Variants in SNX29 observed in about 807,000 individuals in gnomAD.
SNX29 encodes sorting nexin 29, also known as sorting nexin-29.
In SNX29, 78 loss-of-function variants were observed where a neutral mutation model predicts 102.1. That is an observed-to-expected ratio of 0.76 (90% CI 0.64 to 0.92). The LOEUF (loss-of-function observed/expected upper bound fraction) is 0.92, where lower values mean the gene tolerates loss of function less well. Among genes scored for constraint, SNX29 ranks in the 40% least tolerant of loss-of-function variants. The probability of loss-of-function intolerance (pLI) is 0.00; values close to 1 mark genes in which losing one functional copy is unlikely to be tolerated. For missense variants in SNX29, 1,280 were observed against 1,061.7 expected (o/e 1.21, Z -2.86); for synonymous variants, 580 against 414.5 (o/e 1.40, Z -4.85).
intron 11 of SNX29, among the ~76,000 whole-genome samples, chr16:12,103,884 T>C (rs1262651013): frequency 6.6e-6 from 1 of 152,218 alleles, no homozygotes; most frequent in Admixed American, 6.5e-5. Flanking sequence ...TGTTTCCTTG[T>C]CTCCATGATC....
intron 19 of SNX29, among the ~76,000 whole-genome samples, chr16:12,485,857 A>T (rs1035608965): frequency 1.3e-5 from 2 of 152,212 alleles, no homozygotes; most frequent in Non-Finnish European, 2.9e-5. Context: ...TTCCTGCAGG[A>T]GGCGAAATGC....
At chr16:12,214,283 C>T (rs142191614) in intron 14 of SNX29, among the ~76,000 whole-genome samples, 7 of 152,224 alleles carry the variant, frequency 4.6e-5, no homozygotes, top group African/African-American at 1.7e-4. Context: ...AGTGCCTCAG[C>T]TCCCTCCTCG....
chr16:12,422,655 C>G (rs954498569), intron 18 of SNX29, among the ~76,000 whole-genome samples: 3 of 152,190 alleles, frequency 2.0e-5, no homozygotes, highest in Admixed American at 6.5e-5. Context: ...TCTCCACTGT[C>G]CCATGCTCTC....
At chr16:11,982,559 A>G (rs2055445578) in intron 1 of SNX29, among the ~76,000 whole-genome samples, 1 of 151,452 alleles carries the variant, frequency 6.6e-6, no homozygotes, top group Non-Finnish European at 1.5e-5. Context: ...CCTCCCGAGT[A>G]GCTGGGACTA....
chr16:12,206,211 C>A (rs2077040348), intron 14 of SNX29, among the ~76,000 whole-genome samples: 1 of 152,170 alleles, frequency 6.6e-6, no homozygotes. Flanking sequence ...CTGATTTAAT[C>A]TGTCTTAAGC....
Position 12,572,675 on chromosome 16 carries a change from C to CG in SNX29, c.*4051dup. ...TCCTGTGTGAGCTGCAGCACCCACA[C>CG]GGGGGAAGCCCTGCACTCCAGCAGC... On this transcript the variant is annotated 3_prime_UTR_variant, in exon 21 of 21. Transcript: ENST00000566228. 9.4e-7 allele frequency: 1 copy of CG among 1,063,470 alleles called. No individual in the cohort carries two copies. Among genetic ancestry groups the CG allele is most frequent in the Non-Finnish European group, 1.1e-6 (1 of 878,150 alleles). 65.9% of individuals were successfully genotyped at this position (1,063,470 alleles called of 1,614,324 possible). A position where few individuals can be genotyped will look rare whatever the true frequency, so the allele number is the denominator to read the frequency against.
intron 18 of SNX29, among the ~76,000 whole-genome samples, chr16:12,439,034 C>T (rs765197166): frequency 1.3e-5 from 2 of 152,216 alleles, no homozygotes; most frequent in Non-Finnish European, 2.9e-5. Context: ...CATGGCAGCC[C>T]GGGCTTCCAA....
chr16:12,160,408 C>T (rs1458280927), intron 13 of SNX29, among the ~76,000 whole-genome samples: 3 of 152,220 alleles, frequency 2.0e-5, no homozygotes, highest in African/African-American at 7.2e-5. Flanking sequence ...AGCCCACCAA[C>T]TTTAGAAGGT....
chr16:12,307,947 G>C (rs546570380), intron 15 of SNX29, among the ~76,000 whole-genome samples: 1 of 152,184 alleles, frequency 6.6e-6, no homozygotes, highest in Admixed American at 6.5e-5. Context: ...GTCTGTTTGA[G>C]TTGTCTTCAG....
At chr16:12,535,012 G>A (rs1439449904) in intron 20 of SNX29, among the ~76,000 whole-genome samples, 2 of 152,324 alleles carry the variant, frequency 1.3e-5, no homozygotes, top group Middle Eastern at 3.4e-3. Context: ...GACCTGGCCT[G>A]AGAAGCTGGC....
At position 12,543,915 on chromosome 16, in the gene SNX29, G is replaced by A. The variant is rs539332987; in HGVS notation, c.2318+19074G>A. Among the ~76,000 whole-genome samples the A allele has an allele frequency of 3.9e-5, 6 of 152,318 alleles. No individual in the cohort carries two copies. In the South Asian group the frequency reaches 1.2e-3, roughly 32 times the overall value. ...TATTCCTTCATCCTGGATTGCCGAA[G>A]GTGGAATCCGGCACCCTCTCGTTCT... On this transcript the variant is annotated intron_variant, in intron 20 of 20. Transcript: ENST00000566228.
chr16:12,371,335 G>T (rs1164359129), intron 16 of SNX29, among the ~76,000 whole-genome samples: 1 of 150,286 alleles, frequency 6.7e-6, no homozygotes, highest in Non-Finnish European at 1.5e-5. Context: ...GTCTTTCTCT[G>T]TCCCTCAGGC....
intron 16 of SNX29, among the ~76,000 whole-genome samples, chr16:12,378,682 G>C (rs1160297161): frequency 1.3e-5 from 2 of 152,164 alleles, no homozygotes; most frequent in East Asian, 3.9e-4. Context: ...ATGAGGTTTG[G>C]AGGGAGCAGG....
At chr16:12,137,101 G>T (rs2054691165) in intron 13 of SNX29, among the ~76,000 whole-genome samples, 1 of 152,196 alleles carries the variant, frequency 6.6e-6, no homozygotes, top group Non-Finnish European at 1.5e-5. Flanking sequence ...ATGATTGACA[G>T]TCTTACCAGG....
intron 20 of SNX29, among the ~76,000 whole-genome samples, chr16:12,551,826 GT>G (rs2077995509): frequency 6.6e-6 from 1 of 152,156 alleles, no homozygotes; most frequent in African/African-American, 2.4e-5. Context: ...CCTCAGTTTT[GT>G]CACTTAGCTG....
intron 15 of SNX29, among the ~76,000 whole-genome samples, chr16:12,292,810 T>G (rs2079844229): frequency 6.6e-6 from 1 of 152,266 alleles, no homozygotes; most frequent in African/African-American, 2.4e-5. Context: ...CTCCCTGTTC[T>G]CTTCCTCTGT....
intron 18 of SNX29, among the ~76,000 whole-genome samples, chr16:12,414,355 C>T (rs1433564840): frequency 6.6e-6 from 1 of 152,198 alleles, no homozygotes; most frequent in Non-Finnish European, 1.5e-5. Context: ...GCCTGGGTGA[C>T]AGCAAGACCT....
intron 14 of SNX29, among the ~76,000 whole-genome samples, chr16:12,277,650 T>G (rs991252565): frequency 6.6e-6 from 1 of 152,080 alleles, no homozygotes; most frequent in Non-Finnish European, 1.5e-5. Flanking sequence ...TCATAGCTCA[T>G]GGCAGCCTCG....
At chr16:12,192,632 C>T (rs1268030397) in intron 13 of SNX29, among the ~76,000 whole-genome samples, 2 of 152,108 alleles carry the variant, frequency 1.3e-5, no homozygotes, top group African/African-American at 4.8e-5. Flanking sequence ...CTGCCTCAGC[C>T]TCTGGAGAAG....
Sources: gnomAD v4.1 joint callset for allele counts (sites outside exome capture counted in the v4.1 genomes callset) on GRCh38, gnomAD v4.1.1 for gene constraint, MANE v1.5 for transcripts, NCBI Gene and HGNC (gene_info 2026-07-23, HGNC 2026-07-21) for gene names.